EME1: variants seen among roughly 807,000 people sequenced by gnomAD.
EME1 encodes the protein structure-specific endonuclease subunit EME1.
A neutral mutation model predicts 59.1 loss-of-function variants in EME1; 61 were observed. The observed-to-expected ratio is 1.03, with a 90% CI of 0.84 to 1.28. EME1 has a LOEUF of 1.28. EME1 is among the 50% of genes most tolerant of loss of function. The pLI is 0.00. For missense variants in EME1, 635 were observed against 682.6 expected (o/e 0.93, Z 0.78); for synonymous variants, 230 against 254.2 (o/e 0.90, Z 0.90).
intron 1 of EME1, among the ~76,000 whole-genome samples, chr17:50,374,235 TTTTTA>T (rs1913324281): frequency 6.6e-6 from 1 of 152,176 alleles, no homozygotes; most frequent in African/African-American, 2.4e-5. Context: ...TCTATTTTTA[TTTTTA>T]TTTTATTTTT....
intron 3 of EME1, among the ~76,000 whole-genome samples, chr17:50,378,282 G>A (rs966310415): frequency 4.0e-5 from 6 of 150,470 alleles, no homozygotes; most frequent in African/African-American, 1.5e-4. Context: ...GGCCAGGATG[G>A]GCTTGATCTC....
Position 50,378,607 on chromosome 17 carries a change from TG to T in EME1, c.919del (p.Val307TrpfsTer18). On this transcript the variant is annotated frameshift_variant, in exon 4 of 9. Coordinates refer to ENST00000338165, the MANE Select transcript of EME1 (RefSeq NM_152463.4). LOFTEE classifies it high-confidence loss of function. ...GGTACTTTGGCAGGACAGAGAGGAC[TG>T]GGTGGAGGAGCCAACAGTACTGGTG... ...RAGPSEDRED[W>X]VEEPTVLVLL... 6.2e-7 allele frequency: 1 copy of T among 1,613,758 alleles called. No homozygotes were observed. Among genetic ancestry groups the T allele is most frequent in the Non-Finnish European group, 8.5e-7 (1 of 1,179,958 alleles).
Position 50,373,269 on chromosome 17 carries a change from A to C in EME1, c.-33A>C. On this transcript the variant is annotated 5_prime_UTR_variant, in exon 1 of 9. Transcript: ENST00000338165. ...GTGGCAGTTGAAAGAGTGGCGGGAG[A>C]AGTTGCAGGTGAGCGTCCCCGGTCG... 1 of 1,549,808 alleles carries C rather than the reference A, an allele frequency of 6.5e-7. No homozygotes were observed. Among genetic ancestry groups the C allele is most frequent in the South Asian group, 1.2e-5 (1 of 86,930 alleles).
In EME1 at chr17:50,375,500, C is replaced by T; in HGVS notation, c.292C>T (p.Gln98Ter). 6.2e-7 allele frequency: 1 copy of T among 1,613,766 alleles called. No homozygotes were observed. The highest frequency in any genetic ancestry group is 1.1e-5 in the South Asian group (1 of 91,040). ...EDEEEFIPLA[Q>*]RLTCKFLTHK... is the part of the protein sequence containing the mutation. ...TGAAGAAGAATTTATTCCTCTGGCTCAAAGGCTTACATGTAAGTTTCTGAC... is the reference window on the plus strand; with the variant it reads ...TGAAGAAGAATTTATTCCTCTGGCTTAAAGGCTTACATGTAAGTTTCTGAC... Residue 98 changes from glutamine to a stop codon, truncating the protein, a stop_gained, in exon 2 of 9, where the codon CAA (glutamine) becomes TAA (stop). Coordinates refer to ENST00000338165, the MANE Select transcript of EME1 (RefSeq NM_152463.4). LOFTEE classifies it high-confidence loss of function.
chr17:50,379,745 C>T lies in EME1; in HGVS notation c.1346+178C>T, dbSNP rs115450148. The T allele has an allele frequency of 4.9e-3, 2,899 of 593,290 alleles. 57 individuals carry two copies. The highest frequency in any genetic ancestry group is 0.047 in the African/African-American group (2,542 of 53,852). The allele number at this position is 593,290 out of a possible 1,614,324, so 36.8% of individuals were successfully genotyped here. A position where few individuals can be genotyped will look rare whatever the true frequency, so the allele number is the denominator to read the frequency against. On this transcript the variant is annotated intron_variant, in intron 7 of 8. Coordinates refer to ENST00000338165, the MANE Select transcript of EME1 (RefSeq NM_152463.4). Reference sequence around the variant, plus strand: ...TCTTGGGAAGAGTCCTCAAGCCTAGCGCCTTTTCAAATATTCTCCTTTCGC... The same window carrying T: ...TCTTGGGAAGAGTCCTCAAGCCTAGTGCCTTTTCAAATATTCTCCTTTCGC...
chr17:50,378,631 G>A lies in EME1; in HGVS notation c.940G>A (p.Val314Met). 3 of 1,614,116 alleles carry A rather than the reference G, an allele frequency of 1.9e-6. No homozygotes were observed. The highest frequency in any genetic ancestry group is 2.5e-6 in the Non-Finnish European group (3 of 1,180,006). ...CTGGGTGGAGGAGCCAACAGTACTG[G>A]TGTTGCTCCGGGCAGAGGCATTTGT... is the stretch of plus-strand genomic sequence containing the variant. ...EDWVEEPTVL[V>M]LLRAEAFVSM... Residue 314 changes from valine to methionine, a missense_variant, in exon 4 of 9, where the codon GTG becomes ATG. Val to Met is a conservative substitution (Grantham distance 21, BLOSUM62 1). Transcript: ENST00000338165.
rs1384350238 is a variant in EME1 at position 50,375,612 on chromosome 17, G to C, written c.404G>C (p.Trp135Ser). 1 of 1,568,436 alleles carries C rather than the reference G, an allele frequency of 6.4e-7. No homozygotes were observed. Among genetic ancestry groups the C allele is most frequent in the East Asian group, 2.2e-5 (1 of 44,774 alleles). Residue 135 changes from tryptophan to serine, a missense_variant, in exon 2 of 9, where the codon TGG becomes TCG. Coordinates refer to ENST00000338165, the MANE Select transcript of EME1 (RefSeq NM_152463.4). Reference protein sequence around the residue: ...HQNNEGASCDWKKPFPKIPEV... With the variant: ...HQNNEGASCDSKKPFPKIPEV... ...AATAATGAAGGTGCATCATGTGACT[G>C]GAAAAAGCCCTTTCCAAAGATCCCT...
chr17:50,379,692 CAGA>C, intron 7 of EME1, 125 bp downstream of exon 7: 1 of 801,120 alleles, frequency 1.2e-6, no homozygotes. Flanking sequence ...AAGCTTGAGG[CAGA>C]AGGAGCTGAC....
intron 5 of EME1, 89 bp from the exon 6 acceptor site, chr17:50,379,017 CA>C: frequency 6.2e-7 from 1 of 1,612,482 alleles, no homozygotes; most frequent in Non-Finnish European, 8.5e-7. Flanking sequence ...CTAACAAGTC[CA>C]GGGGGATGCT....
At position 50,376,131 on chromosome 17, in the gene EME1, G is replaced by A. The variant is rs1567815562; in HGVS notation, c.841G>A (p.Val281Met). Residue 281 changes from valine (V) to methionine (M), a missense_variant, in exon 3 of 9, where the codon GTG becomes ATG. Transcript: ENST00000338165. The stretch of plus-strand genomic sequence containing the variant: ...ACTGCAGACCATGGAGTGCCGCTGT[G>A]TGATTGAGGCGCAGGCTGTGCCTTG... ...GALQTMECRC[V>M]IEAQAVPCSV... 2 of 1,614,146 alleles carry A rather than the reference G, an allele frequency of 1.2e-6. No individual in the cohort carries two copies. Among genetic ancestry groups the A allele is most frequent in the Non-Finnish European group, 1.7e-6 (2 of 1,180,032 alleles).
At position 50,379,250 on chromosome 17, in the gene EME1, G is replaced by A. The variant is rs371033046; in HGVS notation, c.1230+26G>A. 110 of 1,613,420 alleles carry A rather than the reference G, an allele frequency of 6.8e-5. No homozygotes were observed. In the African/African-American group the frequency reaches 9.7e-4, roughly 14 times the overall value. On this transcript the variant is annotated intron_variant, in intron 6 of 8. Transcript: ENST00000338165. ...GTAAGAACGTCCTGTTGCCTGAATC[G>A]GGCTGGGTACTCACTGGTCACCTGA...
chr17:50,379,233 G>A lies in EME1; in HGVS notation c.1230+9G>A, dbSNP rs199799995. 1.1e-5 allele frequency: 17 copies of A among 1,613,858 alleles called. No individual in the cohort carries two copies. The highest frequency in any genetic ancestry group is 1.3e-5 in the African/African-American group (1 of 75,044). On this transcript the variant is annotated intron_variant, in intron 6 of 8. Coordinates refer to ENST00000338165, the MANE Select transcript of EME1 (RefSeq NM_152463.4). The stretch of plus-strand genomic sequence containing the variant: ...GGGTAGACGCTGAAGAGGTAAGAAC[G>A]TCCTGTTGCCTGAATCGGGCTGGGT...
rs777681897 is a variant in EME1 at position 50,381,194 on chromosome 17, A to G, written c.*255A>G. On this transcript the variant is annotated 3_prime_UTR_variant, in exon 9 of 9. Transcript: ENST00000338165. ...TCACTGCCACAGACAAACCACCCCC[A>G]CTCCTACCCAGCCAGCCCTCAAAAC... The G allele has an allele frequency of 1.1e-4, 51 of 463,836 alleles. No homozygotes were observed. The highest frequency in any genetic ancestry group is 1.7e-4 in the Non-Finnish European group (43 of 258,110). 28.7% of individuals were successfully genotyped at this position (463,836 alleles called of 1,614,324 possible). A position where few individuals can be genotyped will look rare whatever the true frequency, so the allele number is the denominator to read the frequency against.
chr17:50,376,716 C>T lies in EME1; in HGVS notation c.903+523C>T, dbSNP rs373331108. Among the ~76,000 whole-genome samples the T allele has an allele frequency of 8.9e-4, 136 of 152,264 alleles. 1 individual carries two copies. Among genetic ancestry groups the T allele is most frequent in the African/African-American group, 3.1e-3 (127 of 41,548 alleles). On this transcript the variant is annotated intron_variant, in intron 3 of 8. Transcript: ENST00000338165. ...CAGGAGAGAGAAATGGAGAGAGGAC[C>T]ACCTTGAGCGAAGCTATGAGCTGCC...
chr17:50,377,598 A>C (rs1464281962), intron 3 of EME1, among the ~76,000 whole-genome samples: 1 of 152,150 alleles, frequency 6.6e-6, no homozygotes, highest in Admixed American at 6.5e-5. Context: ...TCTTTGTCAC[A>C]AAAAAACCTA....
Position 50,375,219 on chromosome 17 carries a change from A to G in EME1, c.11A>G (p.Lys4Arg). ...TGATAGCACATACTGATGGCTCTAA[A>G]GAAGTCATCACCCTCACTGGATTCT... MAL[K>R]KSSPSLDSGD... is the part of the protein sequence containing the mutation. The change falls in exon 2 of 9, where the codon AAG becomes AGG. Residue 4 changes from lysine to arginine, a missense_variant. Lys to Arg is a conservative substitution (Grantham distance 26). Coordinates refer to ENST00000338165, the MANE Select transcript of EME1 (RefSeq NM_152463.4). 1 of 1,613,978 alleles carries G rather than the reference A, an allele frequency of 6.2e-7. No homozygotes were observed. The highest frequency in any genetic ancestry group is 8.5e-7 in the Non-Finnish European group (1 of 1,179,940).
chr17:50,379,330 CACTG>C (rs1418484259), intron 6 of EME1, 106 bp downstream of exon 6: 30 of 1,589,168 alleles, frequency 1.9e-5, no homozygotes, highest in Admixed American at 1.2e-4. Flanking sequence ...TCTGCCTTGG[CACTG>C]ACTAAGAGAA....
Position 50,380,477 on chromosome 17 carries a change from T to C in EME1, c.1512T>C (p.Tyr504=). 6.2e-7 allele frequency: 1 copy of C among 1,613,906 alleles called. No individual in the cohort carries two copies. The highest frequency in any genetic ancestry group is 1.1e-5 in the South Asian group (1 of 91,054). ...LEMASAVVNA[Y]PSPQLLVQAY... is the part of the protein sequence containing the mutation. ...TGGCCAGTGCAGTTGTGAATGCCTA[T>C]CCCTCCCCACAGCTCCTGGTACAGG... The change falls in exon 8 of 9, where the codon TAT becomes TAC. Residue 504 remains tyrosine (Y), a synonymous_variant. Transcript: ENST00000338165.
chr17:50,378,981 A>G (rs1913631979), intron 5 of EME1, 86 bp downstream of exon 5: 2 of 1,612,084 alleles, frequency 1.2e-6, no homozygotes, highest in Non-Finnish European at 1.7e-6. Flanking sequence ...TTGCAGATGT[A>G]GGTCACTCTG....
Sources: allele counts gnomAD v4.1 joint callset (sites outside exome capture counted in the v4.1 genomes callset), GRCh38; gene constraint gnomAD v4.1.1; transcripts MANE v1.5; gene names NCBI Gene and HGNC (gene_info 2026-07-23, HGNC 2026-07-21).